Variants in PCDH9 observed in about 807,000 individuals in gnomAD.
PCDH9 encodes protocadherin-9.
A neutral mutation model predicts 70.6 loss-of-function variants in PCDH9; 24 were observed. The observed-to-expected ratio is 0.34, with a 90% confidence interval of 0.25 to 0.48. The LOEUF (loss-of-function observed/expected upper bound fraction) is 0.48, where lower values mean the gene tolerates loss of function less well. Among genes scored for constraint, PCDH9 ranks in the 20% least tolerant of loss-of-function variants. The pLI is 0.99. For synonymous variants in PCDH9, 562 were observed against 558.5 expected (o/e 1.01, Z -0.09); for missense variants, 1,281 against 1,503.6 (o/e 0.85, Z 2.45).
intron 3 of PCDH9, among the ~76,000 whole-genome samples, chr13:66,801,378 G>A (rs960953923): frequency 1.3e-5 from 2 of 152,000 alleles, no homozygotes; most frequent in African/African-American, 4.8e-5. Flanking sequence ...GCATTGCCAA[G>A]GTCAGAGAAT....
intron 4 of PCDH9, among the ~76,000 whole-genome samples, chr13:66,394,104 C>T (rs1957064988): frequency 6.6e-6 from 1 of 152,010 alleles, no homozygotes; most frequent in African/African-American, 2.4e-5. Flanking sequence ...GCAGGGGGTC[C>T]AGTTAGAACA....
chr13:66,928,393 AAT>A (rs2082749848), intron 2 of PCDH9, among the ~76,000 whole-genome samples: 1 of 152,130 alleles, frequency 6.6e-6, no homozygotes, highest in South Asian at 2.1e-4. Context: ...GTCTCACAAC[AAT>A]ACACAAGGTG....
At chr13:67,150,414 G>C (rs763607901) in intron 2 of PCDH9, among the ~76,000 whole-genome samples, 5 of 152,136 alleles carry the variant, frequency 3.3e-5, no homozygotes, top group Non-Finnish European at 7.3e-5. Context: ...AGTATTAATA[G>C]AGAGTATTAA....
At chr13:66,638,768 A>G (rs2077672774) in intron 3 of PCDH9, among the ~76,000 whole-genome samples, 1 of 152,146 alleles carries the variant, frequency 6.6e-6, no homozygotes, top group South Asian at 2.1e-4. Context: ...TAGAAACGAA[A>G]TATTATTGTC....
At chr13:66,731,291 T>C (rs182035893) in intron 3 of PCDH9, among the ~76,000 whole-genome samples, 195 of 152,210 alleles carry the variant, frequency 1.3e-3, no homozygotes, top group African/African-American at 4.4e-3. Flanking sequence ...AACTCATGGT[T>C]ATATAAAGGA....
At chr13:66,818,551 T>C (rs1292616373) in intron 3 of PCDH9, among the ~76,000 whole-genome samples, 1 of 152,160 alleles carries the variant, frequency 6.6e-6, no homozygotes, top group Non-Finnish European at 1.5e-5. Context: ...ATAAAATCAA[T>C]AGACTAATTA....
At chr13:67,178,751 C>T (rs544621528) in intron 2 of PCDH9, among the ~76,000 whole-genome samples, 19 of 152,168 alleles carry the variant, frequency 1.2e-4, no homozygotes, top group Middle Eastern at 3.4e-3. Flanking sequence ...TCATCTTAAA[C>T]ATGTTAATGC....
intron 2 of PCDH9, chr13:67,223,082 C>T (rs1160326411): frequency 1.3e-5 from 2 of 152,076 alleles, no homozygotes; most frequent in Admixed American, 1.3e-4. Flanking sequence ...GAGTGAATTA[C>T]CTAGTTCCAT....
chr13:67,173,859 C>A (rs1262648847), intron 2 of PCDH9, among the ~76,000 whole-genome samples: 1 of 151,914 alleles, frequency 6.6e-6, no homozygotes, highest in Non-Finnish European at 1.5e-5. Flanking sequence ...GAGTTGCATG[C>A]ATGAATTATT....
chr13:66,520,079 G>A (rs575589945), intron 4 of PCDH9, among the ~76,000 whole-genome samples: 11 of 152,150 alleles, frequency 7.2e-5, no homozygotes, highest in South Asian at 2.1e-4. Flanking sequence ...GAGGGAACAC[G>A]GTGCCTCAGT....
In PCDH9 at chr13:66,713,612, A is replaced by AGTGT. The variant is rs140475590; in HGVS notation, c.3139-82205_3139-82202dup. ...ATTGTGTTTGTGTATATATATATAA[A>AGTGT]GTGTGTGTGTGTGTATATATATATA... On this transcript the variant is annotated intron_variant, in intron 3 of 4. Transcript: ENST00000377865. Among the ~76,000 whole-genome samples, 669 of 110,680 alleles carry AGTGT rather than the reference A, an allele frequency of 6.0e-3. 35 individuals are homozygous for AGTGT. The highest frequency in any genetic ancestry group is 0.022 in the African/African-American group (640 of 29,666). 72.6% of individuals were successfully genotyped at this position (110,680 alleles called of 152,430 possible). A position where few individuals can be genotyped will look rare whatever the true frequency, so the allele number is the denominator to read the frequency against.
intron 2 of PCDH9, among the ~76,000 whole-genome samples, chr13:66,970,368 C>T (rs912754327): frequency 1.3e-5 from 2 of 151,800 alleles, no homozygotes; most frequent in Admixed American, 1.3e-4. Flanking sequence ...GTGACTCAGG[C>T]TGGTAATCTC....
chr13:66,536,900 C>T (rs1290077887), intron 4 of PCDH9, among the ~76,000 whole-genome samples: 1 of 152,020 alleles, frequency 6.6e-6, no homozygotes, highest in Non-Finnish European at 1.5e-5. Context: ...TGCAGAATTG[C>T]ATTCAACTCA....
chr13:67,025,830 T>C (rs554330841), intron 2 of PCDH9, among the ~76,000 whole-genome samples: 12 of 152,240 alleles, frequency 7.9e-5, no homozygotes, highest in African/African-American at 2.2e-4. Context: ...TAAATCTGTT[T>C]GAAAAGTTTC....
chr13:66,970,762 T>C (rs898998281), intron 2 of PCDH9, among the ~76,000 whole-genome samples: 1 of 151,946 alleles, frequency 6.6e-6, no homozygotes, highest in African/African-American at 2.4e-5. Flanking sequence ...TAGAGGGCAG[T>C]AGGAGTGTTT....
chr13:67,135,195 C>T (rs2087205335), intron 2 of PCDH9, among the ~76,000 whole-genome samples: 1 of 152,096 alleles, frequency 6.6e-6, no homozygotes, highest in Non-Finnish European at 1.5e-5. Context: ...CTTTCAGAAA[C>T]ACCAAAATGT....
chr13:67,057,770 G>T (rs564184318), intron 2 of PCDH9, among the ~76,000 whole-genome samples: 23 of 151,750 alleles, frequency 1.5e-4, no homozygotes, highest in African/African-American at 5.3e-4. Flanking sequence ...TTTTAAATTT[G>T]CTCTGATAAT....
chr13:66,890,836 T>C (rs907121924), intron 3 of PCDH9, among the ~76,000 whole-genome samples: 2 of 152,142 alleles, frequency 1.3e-5, no homozygotes, highest in African/African-American at 4.8e-5. Context: ...TTGAATAAAA[T>C]CTTCCTTGTC....
intron 3 of PCDH9, among the ~76,000 whole-genome samples, chr13:66,793,520 G>A (rs1163760765): frequency 6.6e-6 from 1 of 152,048 alleles, no homozygotes; most frequent in Non-Finnish European, 1.5e-5. Flanking sequence ...TCAATGAAAT[G>A]TATCTAAACA....
Sources: allele counts gnomAD v4.1 joint callset (sites outside exome capture counted in the v4.1 genomes callset), GRCh38; gene constraint gnomAD v4.1.1; transcripts MANE v1.5; gene names NCBI Gene and HGNC (gene_info 2026-07-23, HGNC 2026-07-21).